WWOX: variants seen among roughly 807,000 people sequenced by gnomAD.
The protein encoded by WWOX is WW domain containing oxidoreductase.
A neutral mutation model predicts 46.2 loss-of-function variants in WWOX; 69 were observed. The observed-to-expected ratio is 1.49, with a 90% CI of 1.23 to 1.82. The LOEUF (loss-of-function observed/expected upper bound fraction) is 1.82. Among genes scored for constraint, WWOX ranks in the 40% most tolerant of loss-of-function variants. The probability of loss-of-function intolerance (pLI) is 0.00; values close to 1 mark genes in which losing one functional copy is unlikely to be tolerated. For missense variants in WWOX, 919 were observed against 542.6 expected (o/e 1.69, Z -6.89); for synonymous variants, 359 against 202.6 (o/e 1.77, Z -6.56).
At chr16:78,653,997 C>G (rs1023579491) in intron 8 of WWOX, among the ~76,000 whole-genome samples, 1 of 152,350 alleles carries the variant, frequency 6.6e-6, no homozygotes, top group East Asian at 1.9e-4. Context: ...AAATTAAGAT[C>G]TGCTCAAGGT....
chr16:78,959,449 G>C (rs771486475), intron 8 of WWOX, among the ~76,000 whole-genome samples: 1 of 152,158 alleles, frequency 6.6e-6, no homozygotes, highest in Non-Finnish European at 1.5e-5. Context: ...GCTAATTCAG[G>C]TATGATAATA....
At chr16:78,863,245 A>C (rs1350452618) in intron 8 of WWOX, among the ~76,000 whole-genome samples, 1 of 152,158 alleles carries the variant, frequency 6.6e-6, no homozygotes, top group Non-Finnish European at 1.5e-5. Flanking sequence ...GGCGTGAGCC[A>C]CCACTCCCAG....
intron 8 of WWOX, among the ~76,000 whole-genome samples, chr16:78,517,824 G>GA (rs200115908): frequency 0.021 from 2,639 of 124,446 alleles, 169 homozygotes; most frequent in Admixed American, 0.15. Flanking sequence ...AACAAGAAGT[G>GA]AAAAAAAAAA....
At chr16:78,949,375 C>T (rs1212295325) in intron 8 of WWOX, among the ~76,000 whole-genome samples, 1 of 152,162 alleles carries the variant, frequency 6.6e-6, no homozygotes, top group Non-Finnish European at 1.5e-5. Context: ...GTCATGGGGC[C>T]TTCCACAGGG....
At chr16:79,056,583 T>C (rs2048266575) in intron 8 of WWOX, among the ~76,000 whole-genome samples, 1 of 152,184 alleles carries the variant, frequency 6.6e-6, no homozygotes, top group African/African-American at 2.4e-5. Context: ...CTGTGCATTG[T>C]AGGATGTTTA....
At chr16:78,978,069 C>G (rs945051471) in intron 8 of WWOX, among the ~76,000 whole-genome samples, 1 of 152,228 alleles carries the variant, frequency 6.6e-6, no homozygotes, top group African/African-American at 2.4e-5. Context: ...ATTCTACCTT[C>G]TGTCTCAGTA....
chr16:78,537,004 C>G (rs1039250704), intron 8 of WWOX, among the ~76,000 whole-genome samples: 4 of 151,420 alleles, frequency 2.6e-5, no homozygotes, highest in African/African-American at 9.7e-5. Flanking sequence ...GCAACGTGCA[C>G]CTCTCAGGTT....
At chr16:78,298,606 A>C (rs2079982601) in intron 5 of WWOX, among the ~76,000 whole-genome samples, 1 of 152,182 alleles carries the variant, frequency 6.6e-6, no homozygotes, top group South Asian at 2.1e-4. Context: ...AGCCTGACCA[A>C]CATGGAGAAA....
chr16:78,759,888 G>C (rs1198386216), intron 8 of WWOX, among the ~76,000 whole-genome samples: 3 of 152,104 alleles, frequency 2.0e-5, no homozygotes, highest in Non-Finnish European at 4.4e-5. Flanking sequence ...GAGGCTGCTG[G>C]CATTTTTCAG....
chr16:79,119,799 G>A (rs1018486575), intron 8 of WWOX, among the ~76,000 whole-genome samples: 4 of 152,142 alleles, frequency 2.6e-5, no homozygotes, highest in Admixed American at 2.6e-4. Context: ...TAACCTCATA[G>A]GGAAGACACT....
At chr16:78,702,809 C>T (rs1370803911) in intron 8 of WWOX, among the ~76,000 whole-genome samples, 1 of 152,146 alleles carries the variant, frequency 6.6e-6, no homozygotes, top group African/African-American at 2.4e-5. Context: ...GCTCTGTGTG[C>T]TGCGGGTCGA....
intron 5 of WWOX, among the ~76,000 whole-genome samples, chr16:78,307,315 C>A (rs759291219): frequency 5.3e-5 from 8 of 152,126 alleles, no homozygotes; most frequent in Non-Finnish European, 8.8e-5. Context: ...GTGAATGTTG[C>A]TTTATGTGGC....
At chr16:78,831,303 G>A (rs2151157949) in intron 8 of WWOX, among the ~76,000 whole-genome samples, 1 of 152,294 alleles carries the variant, frequency 6.6e-6, no homozygotes, top group South Asian at 2.1e-4. Context: ...GCTCCTGGAG[G>A]ATTGATATCC....
chr16:78,945,984 C>G (rs987122274), intron 8 of WWOX, among the ~76,000 whole-genome samples: 1 of 152,112 alleles, frequency 6.6e-6, no homozygotes, highest in Non-Finnish European at 1.5e-5. Context: ...TCCTGCCTTC[C>G]TCACAGGCTT....
chr16:78,540,522 A>T (rs1476515735), intron 8 of WWOX, among the ~76,000 whole-genome samples: 1 of 152,180 alleles, frequency 6.6e-6, no homozygotes, highest in Non-Finnish European at 1.5e-5. Flanking sequence ...TTTTGGACAG[A>T]TAAACAACAT....
At chr16:78,247,437 C>T (rs147717615) in intron 5 of WWOX, among the ~76,000 whole-genome samples, 4 of 152,148 alleles carry the variant, frequency 2.6e-5, no homozygotes, top group African/African-American at 9.6e-5. Flanking sequence ...CTGGGGATCC[C>T]AGAGGACTCA....
At chr16:79,013,449 T>C (rs1219158520) in intron 8 of WWOX, among the ~76,000 whole-genome samples, 1 of 152,116 alleles carries the variant, frequency 6.6e-6, no homozygotes, top group Non-Finnish European at 1.5e-5. Context: ...CCTTCTTTGT[T>C]TCTCTTTTTC....
rs117846016 is a variant in WWOX, at chr16:78,856,179, G to T, written c.1057-355429G>T. On this transcript the variant is annotated intron_variant, in intron 8 of 8. Coordinates refer to ENST00000566780, the MANE Select transcript of WWOX (RefSeq NM_016373.4). ...GGTCCCTAGAAATAATTTTTTTGGT[G>T]CATAAAGGGCCAGAACAGAATGACA... is the stretch of plus-strand genomic sequence containing the variant. 6.3e-3 allele frequency among the ~76,000 whole-genome samples: 955 copies of T among 152,246 alleles called. 8 individuals are homozygous for T. The highest frequency in any genetic ancestry group is 9.7e-3 in the Non-Finnish European group (657 of 68,004).
chr16:78,929,661 C>A (rs551933035), intron 8 of WWOX, among the ~76,000 whole-genome samples: 207 of 152,208 alleles, frequency 1.4e-3, no homozygotes, highest in Non-Finnish European at 1.6e-3. Flanking sequence ...CGACTAAAGA[C>A]CCGCGTGGAC....
Sources: allele counts gnomAD v4.1 joint callset (sites outside exome capture counted in the v4.1 genomes callset), GRCh38; gene constraint gnomAD v4.1.1; transcripts MANE v1.5; gene names NCBI Gene and HGNC (gene_info 2026-07-23, HGNC 2026-07-21).